Variants in OSMR observed in about 807,000 individuals in gnomAD.
OSMR encodes the protein oncostatin M receptor.
In OSMR, 81 loss-of-function variants were observed where a neutral mutation model predicts 99.9. The observed-to-expected ratio is 0.81, with a 90% CI of 0.68 to 0.97. The LOEUF (loss-of-function observed/expected upper bound fraction) is 0.97. Among genes scored for constraint, OSMR ranks in the 50% least tolerant of loss-of-function variants. The pLI is 0.00. For synonymous variants in OSMR, 406 were observed against 410.4 expected (o/e 0.99, Z 0.13); for missense variants, 1,099 against 1,153.4 (o/e 0.95, Z 0.68).
chr5:38,931,874 C>G lies in OSMR; in HGVS notation c.2213-9C>G. 2 of 1,611,882 alleles carry G rather than the reference C, an allele frequency of 1.2e-6. No individual in the cohort carries two copies. Among genetic ancestry groups the G allele is most frequent in the South Asian group, 2.2e-5 (2 of 91,012 alleles). ...TATTAAAAATGTCCCTTTCTTTTTC[C>G]TCGTTCAGCCTCGATGCTGATTCAT... is the stretch of plus-strand genomic sequence containing the variant. On this transcript the variant is annotated splice_polypyrimidine_tract_variant and intron_variant, in intron 15 of 17. Transcript: ENST00000274276.
At chr5:38,943,586 G>A (rs560885675) in intron 1 of OSMR, among the ~76,000 whole-genome samples, 1 of 152,280 alleles carries the variant, frequency 6.6e-6, no homozygotes, top group Admixed American at 6.5e-5. Flanking sequence ...GGCTGAGACA[G>A]GAGATCACCT....
At chr5:38,945,102 C>T (rs1748035866) in exon 3 of OSMR, 2 of 1,446,840 alleles carry the variant, frequency 1.4e-6, no homozygotes, top group East Asian at 2.3e-5. Flanking sequence ...AATTAAAGCA[C>T]CATAACGGCT....
chr5:38,866,359 TG>T (rs2112209659), intron 1 of OSMR, among the ~76,000 whole-genome samples: 1 of 152,164 alleles, frequency 6.6e-6, no homozygotes, highest in South Asian at 2.1e-4. Context: ...TACATGCAGG[TG>T]GGTGGCAGCC....
intron 1 of OSMR, among the ~76,000 whole-genome samples, chr5:38,850,561 T>C (rs1039324571): frequency 2.0e-5 from 3 of 152,220 alleles, no homozygotes; most frequent in African/African-American, 7.2e-5. Context: ...ATAAAATATA[T>C]GCAGCCTGAA....
chr5:38,850,051 T>A (rs902551737), intron 1 of OSMR, among the ~76,000 whole-genome samples: 2 of 152,176 alleles, frequency 1.3e-5, no homozygotes, highest in African/African-American at 4.8e-5. Context: ...CTTTATTTAT[T>A]GGTAGTATCC....
intron 12 of OSMR, among the ~76,000 whole-genome samples, chr5:38,922,425 G>A (rs1480368147): frequency 6.6e-6 from 1 of 152,198 alleles, no homozygotes; most frequent in African/African-American, 2.4e-5. Context: ...GTGTAATGGG[G>A]AAATGAGGAA....
intron 1 of OSMR, among the ~76,000 whole-genome samples, chr5:38,847,215 G>A (rs1739916475): frequency 6.6e-6 from 1 of 152,162 alleles, no homozygotes; most frequent in Admixed American, 6.5e-5. Flanking sequence ...ACTGACTTTG[G>A]AACATGGGTC....
chr5:38,944,179 C>A (rs1747915773), intron 1 of OSMR: 2 of 531,726 alleles, frequency 3.8e-6, no homozygotes, highest in East Asian at 4.6e-5. Context: ...AGAAGAGTGG[C>A]ATTATTTTAC....
intron 2 of OSMR, among the ~76,000 whole-genome samples, chr5:38,870,774 T>G (rs1205164854): frequency 1.3e-5 from 2 of 152,212 alleles, no homozygotes; most frequent in Non-Finnish European, 2.9e-5. Context: ...ATACTCACTT[T>G]GGTGCCTTAT....
downstream of OSMR, chr5:38,945,544 T>C: frequency 1.2e-6 from 2 of 1,614,138 alleles, no homozygotes; most frequent in Non-Finnish European, 1.7e-6. Flanking sequence ...ACCCAGAATT[T>C]CAATACAGAC....
At chr5:38,943,080 A>G (rs1747767929) in intron 1 of OSMR, 1 of 685,266 alleles carries the variant, frequency 1.5e-6, no homozygotes, top group Non-Finnish European at 2.5e-6. Context: ...TATGGATTAG[A>G]TGGCATACTT....
At chr5:38,889,815 G>A (rs528619697) in intron 7 of OSMR, among the ~76,000 whole-genome samples, 34 of 152,164 alleles carry the variant, frequency 2.2e-4, no homozygotes, top group Admixed American at 2.6e-4. Context: ...AATTTCCACT[G>A]TAATTTTTAT....
chr5:38,944,022 T>G (rs1392145903), intron 1 of OSMR, among the ~76,000 whole-genome samples: 4 of 152,194 alleles, frequency 2.6e-5, no homozygotes, highest in Middle Eastern at 3.2e-3. Flanking sequence ...TATTTTTGTG[T>G]GGGTTACAGC....
chr5:38,937,258 C>T (rs549515975), downstream of OSMR, among the ~76,000 whole-genome samples: 1 of 152,282 alleles, frequency 6.6e-6, no homozygotes, highest in Admixed American at 6.5e-5. The surrounding 1 kb of genome is among the most constrained non-coding windows in gnomAD (Gnocchi z 4.0). Context: ...TGGTCTTGAT[C>T]GCCTGACCTC....
rs898649788 is a variant in OSMR, at chr5:38,934,128, A to C, written c.*684A>C. Reference sequence around the variant, plus strand: ...CTACAGTGAAAGAATGGGATTGGCAAGTAACTTCTGACTTACTGTCAGTTG... The same window carrying C: ...CTACAGTGAAAGAATGGGATTGGCACGTAACTTCTGACTTACTGTCAGTTG... On this transcript the variant is annotated 3_prime_UTR_variant, in exon 18 of 18. Coordinates refer to ENST00000274276, the MANE Select transcript of OSMR (RefSeq NM_003999.3). 4 of 152,804 alleles carry C rather than the reference A, an allele frequency of 2.6e-5. No homozygotes were observed. The highest frequency in any genetic ancestry group is 3.4e-3 in the Middle Eastern group (1 of 294). 9.5% of individuals were successfully genotyped at this position (152,804 alleles called of 1,614,324 possible).
chr5:38,905,107 A>G (rs1244331060), intron 9 of OSMR, among the ~76,000 whole-genome samples: 1 of 152,188 alleles, frequency 6.6e-6, no homozygotes, highest in Non-Finnish European at 1.5e-5. Flanking sequence ...AATGTCATAA[A>G]GGATAACTGT....
chr5:38,901,853 G>C (rs1370343338), intron 7 of OSMR, among the ~76,000 whole-genome samples: 2 of 152,194 alleles, frequency 1.3e-5, no homozygotes, highest in Non-Finnish European at 2.9e-5. Flanking sequence ...ATTTGACTAA[G>C]GAGAGCAAAA....
intron 1 of OSMR, among the ~76,000 whole-genome samples, chr5:38,867,365 T>C (rs766379072): frequency 3.9e-5 from 6 of 152,262 alleles, no homozygotes; most frequent in Non-Finnish European, 8.8e-5. Flanking sequence ...TAAAATATTA[T>C]TTTTTAAAAT....
At chr5:38,889,056 T>C (rs1281706460) in intron 7 of OSMR, among the ~76,000 whole-genome samples, 1 of 152,212 alleles carries the variant, frequency 6.6e-6, no homozygotes, top group Non-Finnish European at 1.5e-5. Context: ...AATCTATTTT[T>C]TTCCCCATTA....
Sources: allele counts gnomAD v4.1 joint callset (sites outside exome capture counted in the v4.1 genomes callset), GRCh38; gene constraint gnomAD v4.1.1; non-coding constraint Gnocchi (gnomAD v3.1); transcripts MANE v1.5; gene names NCBI Gene and HGNC (gene_info 2026-07-23, HGNC 2026-07-21).